The following RNF157 variants were observed in gnomAD, a reference collection of about 807,000 sequenced individuals.
RNF157 encodes ring finger protein 157.
Under a neutral mutation model 88.3 loss-of-function variants are expected in RNF157, and 55 were observed. The observed-to-expected ratio is 0.62, with a 90% CI of 0.50 to 0.78. RNF157 has a LOEUF of 0.78. Among genes scored for constraint, RNF157 ranks in the 30% least tolerant of loss-of-function variants. RNF157 has a pLI of 0.00. For synonymous variants in RNF157, 334 were observed against 341.2 expected (o/e 0.98, Z 0.23); for missense variants, 788 against 860.8 (o/e 0.92, Z 1.06).
At chr17:76,232,873 T>G (rs1598450751) in intron 1 of RNF157, among the ~76,000 whole-genome samples, 1 of 152,304 alleles carries the variant, frequency 6.6e-6, no homozygotes, top group Middle Eastern at 3.4e-3. Flanking sequence ...TTCCATGTGT[T>G]CATCAGCCAT....
intron 2 of RNF157, among the ~76,000 whole-genome samples, chr17:76,184,843 T>C (rs760904217): frequency 1.3e-5 from 2 of 152,252 alleles, no homozygotes; most frequent in Admixed American, 6.5e-5. Context: ...ACTCCATTTA[T>C]AGTCTTCGAA....
intron 2 of RNF157, among the ~76,000 whole-genome samples, chr17:76,206,578 T>C (rs917255416): frequency 2.0e-5 from 3 of 152,032 alleles, no homozygotes; most frequent in Non-Finnish European, 4.4e-5. Flanking sequence ...GGTGGGTGGA[T>C]TGCCTGAGGT....
intron 2 of RNF157, among the ~76,000 whole-genome samples, chr17:76,189,328 T>C (rs2069344405): frequency 6.6e-6 from 1 of 152,216 alleles, no homozygotes; most frequent in Non-Finnish European, 1.5e-5. Flanking sequence ...AAGAATAAAT[T>C]ATTAAAAAAA....
intron 2 of RNF157, chr17:76,175,761 A>T: frequency 3.0e-6 from 3 of 985,324 alleles, no homozygotes; most frequent in Non-Finnish European, 3.6e-6. Flanking sequence ...CATTTCAAAA[A>T]AAAGATGCGT....
intron 2 of RNF157, chr17:76,175,682 T>C: frequency 1.2e-6 from 1 of 859,606 alleles, no homozygotes. Flanking sequence ...TAAAATTTTT[T>C]TCTGGAGTAG....
At chr17:76,177,820 A>G (rs1446701000) in intron 2 of RNF157, among the ~76,000 whole-genome samples, 2 of 152,062 alleles carry the variant, frequency 1.3e-5, no homozygotes, top group African/African-American at 4.8e-5. Flanking sequence ...TGTCCATAAG[A>G]CCAGCTGCAG....
Position 76,162,559 on chromosome 17 carries a change from T to C in RNF157, c.785A>G (p.Asp262Gly). 1.2e-6 allele frequency: 2 copies of C among 1,612,690 alleles called. No homozygotes were observed. The highest frequency in any genetic ancestry group is 1.3e-5 in the African/African-American group (1 of 75,018). Reference protein sequence around the residue: ...YGIENKYNTQDSKVAEDEVSD... With the variant: ...YGIENKYNTQGSKVAEDEVSD... ...ATTTTGGGTAAAACTTACCTTAGAA[T>C]CTTGTGTGTTGTACTTGTTTTCAAT... The change falls in exon 9 of 19, where the codon GAT (aspartate) becomes GGT (glycine). Residue 262 changes from aspartate to glycine, a missense_variant. Coordinates refer to ENST00000269391, the MANE Select transcript of RNF157 (RefSeq NM_052916.3).
intron 2 of RNF157, among the ~76,000 whole-genome samples, chr17:76,203,222 CTCAAGCAA>C (rs1318095297): frequency 1.3e-5 from 2 of 152,068 alleles, no homozygotes; most frequent in African/African-American, 4.8e-5. Flanking sequence ...AACTCCTGGC[CTCAAGCAA>C]TCCACCCACC....
At position 76,176,025 on chromosome 17, in the gene RNF157, G is replaced by C. The variant is rs376647382; in HGVS notation, c.208-2235C>G. 6.6e-6 allele frequency among the ~76,000 whole-genome samples: 1 copy of C among 152,030 alleles called. No individual in the cohort carries two copies. Among genetic ancestry groups the C allele is most frequent in the Non-Finnish European group, 1.5e-5 (1 of 68,016 alleles). On this transcript the variant is annotated intron_variant, in intron 2 of 18. Coordinates refer to ENST00000269391, the MANE Select transcript of RNF157 (RefSeq NM_052916.3). The surrounding 1 kb of genome is among the most constrained non-coding windows in gnomAD (Gnocchi z 4.2). ...ACACATACACGCACAAGACAACAAC[G>C]GCAAATCTGTTCAGGAGAAGCTTGT... is the stretch of plus-strand genomic sequence containing the variant.
chr17:76,190,637 C>T (rs929865829), intron 2 of RNF157, among the ~76,000 whole-genome samples: 9 of 148,866 alleles, frequency 6.0e-5, no homozygotes, highest in African/African-American at 2.2e-4. Context: ...AAATAGTTTA[C>T]GGCCGGGCGT....
intron 2 of RNF157, among the ~76,000 whole-genome samples, chr17:76,191,580 G>A (rs369948966): frequency 1.5e-5 from 2 of 136,198 alleles, no homozygotes; most frequent in Admixed American, 1.6e-4. Flanking sequence ...CAGCCTGGGC[G>A]ACAGAGCAAG....
chr17:76,238,499 A>T (rs2070319990), intron 1 of RNF157, among the ~76,000 whole-genome samples: 1 of 152,208 alleles, frequency 6.6e-6, no homozygotes, highest in South Asian at 2.1e-4. Flanking sequence ...TTTTATTATC[A>T]TCACCCAAGA....
At position 76,152,014 on chromosome 17, in the gene RNF157, T is replaced by A. The variant is rs2068685309; in HGVS notation, c.1921+341A>T. ...CCTTCGTAGAGAGGTGGTGTCTGTC[T>A]GCTCAAACTTCCTGTTGATGAAAAC... On this transcript the variant is annotated intron_variant, in intron 18 of 18. Transcript: ENST00000269391. Among the ~76,000 whole-genome samples, 5 of 152,312 alleles carry A rather than the reference T, an allele frequency of 3.3e-5. No homozygotes were observed. In the South Asian group the frequency reaches 8.3e-4, roughly 25 times the overall value.
chr17:76,190,235 C>T (rs1192077974), intron 2 of RNF157, among the ~76,000 whole-genome samples: 2 of 148,540 alleles, frequency 1.3e-5, no homozygotes, highest in South Asian at 2.1e-4. Context: ...GGCACAATTT[C>T]GCCTCACTGC....
At chr17:76,158,614 G>A (rs1045615287) in intron 12 of RNF157, 113 bp from the exon 13 acceptor site, 2 of 700,006 alleles carry the variant, frequency 2.9e-6, no homozygotes, top group Admixed American at 2.1e-5. Context: ...TTTATTTTTT[G>A]AGACAGCATC....
At chr17:76,147,088 T>C in intron 18 of RNF157, 1 of 985,334 alleles carries the variant, frequency 1.0e-6, no homozygotes, top group Non-Finnish European at 1.2e-6. Context: ...CTTTACTCCC[T>C]GGGGGTGGGT....
chr17:76,148,261 CTTT>C (rs56231427), intron 18 of RNF157, among the ~76,000 whole-genome samples: 4 of 121,174 alleles, frequency 3.3e-5, no homozygotes, highest in Middle Eastern at 4.4e-3. Context: ...TTATCTTTGC[CTTT>C]TTTTTTTTTT....
intron 1 of RNF157, among the ~76,000 whole-genome samples, chr17:76,214,530 G>A (rs1044188063): frequency 5.3e-5 from 8 of 152,082 alleles, no homozygotes; most frequent in Non-Finnish European, 1.0e-4. Flanking sequence ...TGTTTCACAG[G>A]AAAATACGAA....
chr17:76,185,453 A>G (rs1486251438), intron 2 of RNF157, among the ~76,000 whole-genome samples: 1 of 151,690 alleles, frequency 6.6e-6, no homozygotes, highest in Admixed American at 6.6e-5. Context: ...AATAATGACT[A>G]GTGGTCAGAG....
Sources: gnomAD v4.1 joint callset for allele counts (sites outside exome capture counted in the v4.1 genomes callset) on GRCh38, gnomAD v4.1.1 for gene constraint, Gnocchi (gnomAD v3.1) non-coding constraint, MANE v1.5 for transcripts, NCBI Gene and HGNC (gene_info 2026-07-23, HGNC 2026-07-21) for gene names.